OCA2: variants seen among roughly 807,000 people sequenced by gnomAD.
The protein encoded by OCA2 is P protein.
In OCA2, 77 loss-of-function variants were observed where a neutral mutation model predicts 100.2. The ratio of observed to expected loss-of-function variants is 0.77; its 90% CI spans 0.64 to 0.93. OCA2 has a LOEUF of 0.93. Ranked by LOEUF, OCA2 falls within the 40% of genes least tolerant of loss-of-function variation. The pLI, the probability that OCA2 is intolerant of heterozygous loss-of-function variation, is 0.00. For missense variants in OCA2, 1,062 were observed against 1,089.1 expected (o/e 0.98, Z 0.35); for synonymous variants, 432 against 439.2 (o/e 0.98, Z 0.21).
chr15:28,007,901 T>C (rs952948742), intron 9 of OCA2, among the ~76,000 whole-genome samples: 1 of 152,198 alleles, frequency 6.6e-6, no homozygotes, highest in Non-Finnish European at 1.5e-5. Flanking sequence ...GGCTGATCCT[T>C]TGTTCCCATT....
chr15:27,798,871 C>A (rs2033463543), intron 23 of OCA2, among the ~76,000 whole-genome samples: 1 of 152,136 alleles, frequency 6.6e-6, no homozygotes, highest in African/African-American at 2.4e-5. Flanking sequence ...TACAGAGACA[C>A]AATGTAGCCA....
intron 2 of OCA2, among the ~76,000 whole-genome samples, chr15:28,050,819 G>A (rs1181213397): frequency 6.6e-6 from 1 of 152,086 alleles, no homozygotes; most frequent in Non-Finnish European, 1.5e-5. Flanking sequence ...AGTGGCTCTT[G>A]GTCAGGAGCA....
chr15:27,789,665 C>T (rs1433762308), intron 23 of OCA2, among the ~76,000 whole-genome samples: 1 of 152,164 alleles, frequency 6.6e-6, no homozygotes, highest in African/African-American at 2.4e-5. Flanking sequence ...TTCCCTGCAT[C>T]ACCTATTAAA....
chr15:27,805,817 C>T (rs2033819150), intron 23 of OCA2, among the ~76,000 whole-genome samples: 1 of 152,076 alleles, frequency 6.6e-6, no homozygotes, highest in Non-Finnish European at 1.5e-5. Context: ...CCAGGAGACC[C>T]AGGCGGCGGG....
intron 23 of OCA2, among the ~76,000 whole-genome samples, chr15:27,842,651 A>G (rs555585910): frequency 6.6e-6 from 1 of 152,212 alleles, no homozygotes; most frequent in Admixed American, 6.5e-5. Context: ...AAAACAAGGA[A>G]GGAACTCTGT....
intron 2 of OCA2, among the ~76,000 whole-genome samples, chr15:28,033,947 C>T (rs994510739): frequency 4.6e-5 from 7 of 152,042 alleles, no homozygotes; most frequent in African/African-American, 1.7e-4. Flanking sequence ...AGACGGTGAC[C>T]TCCCTCCCAT....
chr15:27,926,391 A>G lies in OCA2; in HGVS notation c.1952-137T>C, dbSNP rs543330149. 615 of 932,056 alleles carry G rather than the reference A, an allele frequency of 6.6e-4. 2 individuals are homozygous for G. Among genetic ancestry groups the G allele is most frequent in the Non-Finnish European group, 8.6e-4 (504 of 588,662 alleles). 57.7% of individuals were successfully genotyped at this position (932,056 alleles called of 1,614,324 possible). A position where few individuals can be genotyped will look rare whatever the true frequency, so the allele number is the denominator to read the frequency against. ...ACCGCATATATGTAAAATGCATATA[A>G]TTTCTATTTGGTTATGTGTATACTC... On this transcript the variant is annotated intron_variant, in intron 18 of 23. Transcript: ENST00000354638.
In OCA2 at chr15:28,043,410, A is replaced by T. The variant is rs901687673; in HGVS notation, c.228-11247T>A. 6.6e-6 allele frequency among the ~76,000 whole-genome samples: 1 copy of T among 152,220 alleles called. No homozygotes were observed. The highest frequency in any genetic ancestry group is 1.5e-5 in the Non-Finnish European group (1 of 68,042). The stretch of plus-strand genomic sequence containing the variant: ...TATCCAGCTTGCTGTGAAGCTGGTG[A>T]TCGCTCAATAAATCTCCAAAAATCA... On this transcript the variant is annotated intron_variant, in intron 2 of 23. Coordinates refer to ENST00000354638, the MANE Select transcript of OCA2 (RefSeq NM_000275.3). The surrounding 1 kb of genome is among the most constrained non-coding windows in gnomAD (Gnocchi z 4.4).
chr15:28,039,964 G>A (rs1237468758), intron 2 of OCA2, among the ~76,000 whole-genome samples: 2 of 151,806 alleles, frequency 1.3e-5, no homozygotes, highest in South Asian at 2.1e-4. Context: ...CCCAAGAGGC[G>A]GAGGTTGCAG....
At chr15:27,722,832 TTC>T in the OCA2 span, among the ~76,000 whole-genome samples, 8 of 125,896 alleles carry the variant, frequency 6.4e-5, no homozygotes, top group African/African-American at 2.2e-4. Flanking sequence ...CTCTCTCTCT[TTC>T]TCTCTTTCTC....
At position 27,870,960 on chromosome 15, in the gene OCA2, C is replaced by T. The variant is rs576168080; in HGVS notation, c.2244+194G>A. Among the ~76,000 whole-genome samples, 6 of 152,236 alleles carry T rather than the reference C, an allele frequency of 3.9e-5. No homozygotes were observed. In the East Asian group the frequency reaches 9.7e-4, roughly 25 times the overall value. On this transcript the variant is annotated intron_variant, in intron 21 of 23. Coordinates refer to ENST00000354638, the MANE Select transcript of OCA2 (RefSeq NM_000275.3). ...GCTGTCCACGGCAGCTGCAGAGCCT[C>T]GGCTCCCAGCCTGCAGTCTGGGCTC...
In OCA2 at chr15:27,896,138, C is replaced by T. The variant is rs563694777; in HGVS notation, c.2080-24216G>A. Reference sequence around the variant, plus strand: ...CCTTTACCTGCTATATGGATGCAGGCCTTGCCAGAACTACCAGTGGCAATG... The same window carrying T: ...CCTTTACCTGCTATATGGATGCAGGTCTTGCCAGAACTACCAGTGGCAATG... On this transcript the variant is annotated intron_variant, in intron 19 of 23. Transcript: ENST00000354638. 8.7e-5 allele frequency: 87 copies of T among 1,004,524 alleles called. 2 individuals are homozygous for T. In the South Asian group the frequency reaches 9.5e-4, roughly 11 times the overall value. The allele number at this position is 1,004,524 out of a possible 1,614,324, so 62.2% of individuals were successfully genotyped here.
chr15:28,026,052 G>A (rs2042737870), intron 4 of OCA2, among the ~76,000 whole-genome samples: 1 of 152,194 alleles, frequency 6.6e-6, no homozygotes, highest in Admixed American at 6.5e-5. Context: ...CATTAATTGA[G>A]CTATTCTAAA....
In OCA2 at chr15:27,983,330, C is replaced by A. The variant is rs2041229012; in HGVS notation, c.1503+15G>T. On this transcript the variant is annotated intron_variant, in intron 14 of 23. Transcript: ENST00000354638. ...GTGCGTTTACTGGAAGCAACCCTAG[C>A]ATGCTGGTACGTACCATCTTCCTCA... 1.2e-6 allele frequency: 2 copies of A among 1,614,090 alleles called. No homozygotes were observed. Among genetic ancestry groups the A allele is most frequent in the Middle Eastern group, 1.7e-4 (1 of 6,026 alleles).
At chr15:27,739,519 C>T in the OCA2 span, among the ~76,000 whole-genome samples, 1 of 143,040 alleles carries the variant, frequency 7.0e-6, no homozygotes, top group Non-Finnish European at 1.5e-5. Flanking sequence ...GATCTCTGCT[C>T]TCTGCAACCT....
At chr15:28,069,512 G>A (rs1038740508) in intron 2 of OCA2, among the ~76,000 whole-genome samples, 4 of 133,284 alleles carry the variant, frequency 3.0e-5, no homozygotes, top group African/African-American at 1.3e-4. Context: ...CAACCTCCCT[G>A]CCTGATTCTC....
intron 23 of OCA2, among the ~76,000 whole-genome samples, chr15:27,794,622 T>C (rs904043471): frequency 3.9e-5 from 6 of 152,100 alleles, no homozygotes; most frequent in African/African-American, 1.4e-4. Flanking sequence ...GTACGTTAGA[T>C]AAAAGGAAGT....
intron 18 of OCA2, among the ~76,000 whole-genome samples, chr15:27,943,071 C>T (rs1217938462): frequency 6.6e-6 from 1 of 152,144 alleles, no homozygotes; most frequent in Non-Finnish European, 1.5e-5. Context: ...GTAAGAGCTC[C>T]TCATTTCTTT....
chr15:27,730,732 AATATATAT>A, the OCA2 span, among the ~76,000 whole-genome samples: 1,542 of 101,850 alleles, frequency 0.015, 18 homozygotes, highest in East Asian at 0.023. Flanking sequence ...AAAAAGACCA[AATATATAT>A]ATATATATAT....
Sources: gnomAD v4.1 joint callset for allele counts (sites outside exome capture counted in the v4.1 genomes callset) on GRCh38, gnomAD v4.1.1 for gene constraint, Gnocchi (gnomAD v3.1) non-coding constraint, MANE v1.5 for transcripts, NCBI Gene and HGNC (gene_info 2026-07-23, HGNC 2026-07-21) for gene names.